Variants in SPRED2 observed in about 807,000 individuals in gnomAD.
The protein encoded by SPRED2 is sprouty-related, EVH1 domain-containing protein 2.
Under a neutral mutation model 43.0 loss-of-function variants are expected in SPRED2, and 47 were observed. That is an observed-to-expected ratio of 1.09 (90% CI 0.87 to 1.40). The LOEUF is 1.40. Among genes scored for constraint, SPRED2 ranks in the 40% most tolerant of loss-of-function variants. The pLI is 0.00. For synonymous variants in SPRED2, 225 were observed against 225.7 expected (o/e 1.00, Z 0.03); for missense variants, 561 against 586.4 (o/e 0.96, Z 0.45).
Position 65,432,176 on chromosome 2 carries a change from CA to C in SPRED2, c.-190del. On this transcript the variant is annotated 5_prime_UTR_variant, in exon 1 of 6. Transcript: ENST00000356388. ...GGGATAGGGTTTGGGGGAAGGGGTG[CA>C]AAGGCAGGCTGCGCGGGGAGTGAAC... The C allele has an allele frequency of 1.5e-6, 1 of 667,532 alleles. No homozygotes were observed. Among genetic ancestry groups the C allele is most frequent in the Non-Finnish European group, 2.6e-6 (1 of 389,004 alleles). The allele number at this position is 667,532 out of a possible 1,614,324, so 41.4% of individuals were successfully genotyped here.
chr2:65,338,575 CAGACGG>C (rs1674055283), intron 2 of SPRED2, among the ~76,000 whole-genome samples: 1 of 151,058 alleles, frequency 6.6e-6, no homozygotes, highest in Admixed American at 6.6e-5. Flanking sequence ...GCCGGGATTG[CAGACGG>C]AGTCTCATTC....
At position 65,378,064 on chromosome 2, in the gene SPRED2, C is replaced by A. The variant is rs188690532; in HGVS notation, c.27-33168G>T. 82 of 191,366 alleles carry A rather than the reference C, an allele frequency of 4.3e-4. 1 individual carries two copies. Among genetic ancestry groups the A allele is most frequent in the Non-Finnish European group, 3.4e-4 (31 of 91,050 alleles). 11.9% of individuals were successfully genotyped at this position (191,366 alleles called of 1,614,324 possible). The stretch of plus-strand genomic sequence containing the variant: ...AGGAAGGAAGGAGGAGAGAGCCCAT[C>A]CAGTAAACATCAGCTGAGCCAAATT... On this transcript the variant is annotated intron_variant, in intron 1 of 5. Coordinates refer to ENST00000356388, the MANE Select transcript of SPRED2 (RefSeq NM_181784.3).
At chr2:65,418,038 AAT>A (rs1266748779) in intron 1 of SPRED2, among the ~76,000 whole-genome samples, 3 of 152,200 alleles carry the variant, frequency 2.0e-5, no homozygotes, top group African/African-American at 7.2e-5. Flanking sequence ...ATCTCTTCAC[AAT>A]ATATGTTTCT....
chr2:65,321,694 C>A (rs1007154123), intron 4 of SPRED2, among the ~76,000 whole-genome samples: 1 of 152,018 alleles, frequency 6.6e-6, no homozygotes, highest in Admixed American at 6.6e-5. Context: ...TCTCTAACTC[C>A]AGTGTTTACA....
chr2:65,380,684 A>G (rs1307394478), intron 1 of SPRED2: 1 of 152,150 alleles, frequency 6.6e-6, no homozygotes, highest in African/African-American at 2.4e-5. Context: ...AGTTCCACAA[A>G]GGCTTCTGAA....
At chr2:65,415,477 G>T (rs956063356) in intron 1 of SPRED2, among the ~76,000 whole-genome samples, 2 of 151,756 alleles carry the variant, frequency 1.3e-5, no homozygotes, top group Admixed American at 1.3e-4. Context: ...TCAAATATAA[G>T]GAATTATTCC....
Position 65,340,616 on chromosome 2 carries a change from G to A in SPRED2, c.204+4103C>T, listed in dbSNP as rs564177719. The stretch of plus-strand genomic sequence containing the variant: ...TTTTAATTTAAATATAATTTCTCAG[G>A]CTTGACTGTCCCCAGCTTACCAAAA... On this transcript the variant is annotated intron_variant, in intron 2 of 5. Coordinates refer to ENST00000356388, the MANE Select transcript of SPRED2 (RefSeq NM_181784.3). Among the ~76,000 whole-genome samples, 11 of 152,200 alleles carry A rather than the reference G, an allele frequency of 7.2e-5. No individual in the cohort carries two copies. The South Asian group carries it at 2.3e-3, about 32-fold the overall frequency.
chr2:65,326,179 G>A (rs1673607724), intron 4 of SPRED2, among the ~76,000 whole-genome samples: 1 of 152,052 alleles, frequency 6.6e-6, no homozygotes, highest in African/African-American at 2.4e-5. Context: ...TCTTCCTTTT[G>A]CAAGGGATTC....
chr2:65,313,343 G>A lies in SPRED2; in HGVS notation c.*158C>T, dbSNP rs11161. ...GGGAGTGGAGAGTCTACCCGGCAGC[G>A]TCCCTGGCTGGAATGGTGCCTCGAG... On this transcript the variant is annotated 3_prime_UTR_variant, in exon 6 of 6. Transcript: ENST00000356388. 2.7e-6 allele frequency: 4 copies of A among 1,477,386 alleles called. No individual in the cohort carries two copies. The highest frequency in any genetic ancestry group is 2.8e-5 in the African/African-American group (2 of 71,018). 91.5% of individuals were successfully genotyped at this position (1,477,386 alleles called of 1,614,324 possible).
chr2:65,361,995 A>T (rs1361584435), intron 1 of SPRED2, among the ~76,000 whole-genome samples: 1 of 152,264 alleles, frequency 6.6e-6, no homozygotes, highest in Non-Finnish European at 1.5e-5. Flanking sequence ...CAACAAAAAA[A>T]GCCAAATCTA....
Position 65,344,837 on chromosome 2 carries a change from C to A in SPRED2, c.86G>T (p.Gly29Val), listed in dbSNP as rs1401095588. Residue 29 changes from glycine to valine, a missense_variant, in exon 2 of 6, where the codon GGA becomes GTA. By Grantham distance (109) the Gly-to-Val change is moderately radical. This residue lies in a region of SPRED2 where 305 missense variants were observed against 282.4 expected (regional missense o/e 1.08). Transcript: ENST00000356388. Reference sequence around the variant, plus strand: ...CCCGCCTCCTTCCTGTGGGAACCATCCCCCGCTGGAGTCATCTCTGGTCAT... The same window carrying A: ...CCCGCCTCCTTCCTGTGGGAACCATACCCCGCTGGAGTCATCTCTGGTCAT... ...VVMTRDDSSG[G>V]WFPQEGGGIS... 6.2e-7 allele frequency: 1 copy of A among 1,614,120 alleles called. No individual in the cohort carries two copies. The highest frequency in any genetic ancestry group is 8.5e-7 in the Non-Finnish European group (1 of 1,180,016).
rs151197477 is a variant in SPRED2 at position 65,409,046 on chromosome 2, C to T, written c.26+22916G>A. ...TTCATCGACCCCAGACCTTTATGCACATAAATCAACTGACTTAATACAACA... is the reference window on the plus strand; with the variant it reads ...TTCATCGACCCCAGACCTTTATGCATATAAATCAACTGACTTAATACAACA... On this transcript the variant is annotated intron_variant, in intron 1 of 5. Coordinates refer to ENST00000356388, the MANE Select transcript of SPRED2 (RefSeq NM_181784.3). Among the ~76,000 whole-genome samples, 294 of 152,304 alleles carry T rather than the reference C, an allele frequency of 1.9e-3. 2 individuals carry two copies. The highest frequency in any genetic ancestry group is 6.5e-3 in the African/African-American group (269 of 41,568).
At chr2:65,412,388 A>G (rs1390126542) in intron 1 of SPRED2, among the ~76,000 whole-genome samples, 1 of 152,188 alleles carries the variant, frequency 6.6e-6, no homozygotes, top group African/African-American at 2.4e-5. Flanking sequence ...AACCATCCCT[A>G]CAGGGCTGAC....
intron 1 of SPRED2, among the ~76,000 whole-genome samples, chr2:65,370,178 T>A (rs1675090171): frequency 6.6e-6 from 1 of 152,232 alleles, no homozygotes. Flanking sequence ...TTAACTTCTC[T>A]AAGCCTCTGC....
At chr2:65,355,520 T>C (rs1410955534) in intron 1 of SPRED2, among the ~76,000 whole-genome samples, 1 of 152,088 alleles carries the variant, frequency 6.6e-6, no homozygotes, top group African/African-American at 2.4e-5. Context: ...AGTTTGAGAC[T>C]AGCCTGGCTA....
intron 1 of SPRED2, among the ~76,000 whole-genome samples, chr2:65,355,004 G>A (rs549863643): frequency 3.6e-4 from 55 of 152,336 alleles, no homozygotes; most frequent in South Asian, 1.7e-3. Flanking sequence ...GAGGGCTGAG[G>A]TCAGGCCTGG....
intron 1 of SPRED2, among the ~76,000 whole-genome samples, chr2:65,409,134 G>C (rs1432886539): frequency 6.6e-6 from 1 of 152,188 alleles, no homozygotes; most frequent in East Asian, 1.9e-4. Flanking sequence ...GTTTTTGAAA[G>C]GTTCAGGTAA....
Position 65,363,439 on chromosome 2 carries a change from G to A in SPRED2, c.27-18543C>T, listed in dbSNP as rs1461447898. Among the ~76,000 whole-genome samples the A allele has an allele frequency of 2.0e-5, 3 of 152,106 alleles. No homozygotes were observed. The East Asian group carries it at 5.8e-4, about 29-fold the overall frequency. ...ATCATTCATCCCATTTGTACATTTA[G>A]GAGTTTATGTCGTTAGAAGGCTGAT... is the stretch of plus-strand genomic sequence containing the variant. On this transcript the variant is annotated intron_variant, in intron 1 of 5. Coordinates refer to ENST00000356388, the MANE Select transcript of SPRED2 (RefSeq NM_181784.3).
intron 1 of SPRED2, among the ~76,000 whole-genome samples, chr2:65,418,343 C>A (rs1401383778): frequency 6.6e-6 from 1 of 152,170 alleles, no homozygotes; most frequent in African/African-American, 2.4e-5. Flanking sequence ...GCTCCCCCAG[C>A]ATAAACTCAG....
Sources: gnomAD v4.1 joint callset for allele counts (sites outside exome capture counted in the v4.1 genomes callset) on GRCh38, gnomAD v4.1.1 for gene constraint, gnomAD v4.1.1 regional missense constraint, MANE v1.5 for transcripts, NCBI Gene and HGNC (gene_info 2026-07-23, HGNC 2026-07-21) for gene names.